The following DCTN6 variants were observed in gnomAD, a reference collection of about 807,000 sequenced individuals.
DCTN6 encodes the protein dynactin subunit 6.
In DCTN6, 15 loss-of-function variants were observed where a neutral mutation model predicts 25.8. The observed-to-expected ratio is 0.58, with a 90% CI of 0.39 to 0.89. DCTN6 has a LOEUF of 0.89. Ranked by LOEUF, DCTN6 falls within the 40% of genes least tolerant of loss-of-function variation. The probability of loss-of-function intolerance (pLI) is 0.00; values close to 1 mark genes in which losing one functional copy is unlikely to be tolerated. For missense variants in DCTN6, 198 were observed against 237.6 expected (o/e 0.83, Z 1.09); for synonymous variants, 64 against 78.3 (o/e 0.82, Z 0.96).
chr8:30,164,075 T>C (rs761266283), intron 1 of DCTN6, 36 bp from the exon 2 acceptor site: 7 of 1,564,794 alleles, frequency 4.5e-6, no homozygotes, highest in South Asian at 2.2e-5. Context: ...ATGTTTAATC[T>C]TACCCCTGGT....
intron 1 of DCTN6, among the ~76,000 whole-genome samples, chr8:30,158,584 T>A (rs2117572183): frequency 6.6e-6 from 1 of 152,240 alleles, no homozygotes; most frequent in Non-Finnish European, 1.5e-5. Flanking sequence ...GAATTTCAGT[T>A]TTTTCTTCTA....
At chr8:30,157,839 T>A (rs1803546137) in intron 1 of DCTN6, among the ~76,000 whole-genome samples, 1 of 152,178 alleles carries the variant, frequency 6.6e-6, no homozygotes, top group East Asian at 1.9e-4. Flanking sequence ...AAATGTAGAT[T>A]TTTCTTCCAT....
intron 2 of DCTN6, 114 bp from the exon 3 acceptor site, chr8:30,174,971 C>A: frequency 2.2e-6 from 2 of 917,312 alleles, no homozygotes; most frequent in East Asian, 2.7e-5. Context: ...TGGTGCCTGG[C>A]ACATACTTAG....
At chr8:30,180,071 T>C (rs1207623534) in intron 5 of DCTN6, among the ~76,000 whole-genome samples, 1 of 152,270 alleles carries the variant, frequency 6.6e-6, no homozygotes, top group East Asian at 1.9e-4. Context: ...ATCTACTTAA[T>C]GACTTTTATT....
chr8:30,156,426 A>G lies in DCTN6; in HGVS notation c.23+20A>G, dbSNP rs199955013. ...AAAGAGGTGGGTTTGCTGCTTGAGA[A>G]AAGCCTTTTCTCAGCTTTCCGTAGG... is the stretch of plus-strand genomic sequence containing the variant. On this transcript the variant is annotated intron_variant, in intron 1 of 6. Transcript: ENST00000221114. 3.8e-6 allele frequency: 6 copies of G among 1,598,014 alleles called. No homozygotes were observed. The East Asian group carries it at 1.1e-4, about 30-fold the overall frequency.
At chr8:30,165,021 G>T (rs1030817436) in intron 2 of DCTN6, among the ~76,000 whole-genome samples, 2 of 152,146 alleles carry the variant, frequency 1.3e-5, no homozygotes, top group Non-Finnish European at 2.9e-5. Context: ...ATGAGATCAG[G>T]GTTCTATTAC....
chr8:30,166,090 T>C (rs1257368285), intron 2 of DCTN6, among the ~76,000 whole-genome samples: 1 of 152,168 alleles, frequency 6.6e-6, no homozygotes, highest in Non-Finnish European at 1.5e-5. Context: ...TTACTCATCA[T>C]TTTACTGCAT....
chr8:30,178,425 T>C (rs942084777), intron 4 of DCTN6, among the ~76,000 whole-genome samples: 3 of 148,244 alleles, frequency 2.0e-5, no homozygotes, highest in African/African-American at 7.5e-5. Flanking sequence ...ATCGCGCCAT[T>C]GCACCCCAGC....
chr8:30,177,181 A>C lies in DCTN6; in HGVS notation c.250A>C (p.Ile84Leu). 6.2e-7 allele frequency: 1 copy of C among 1,613,836 alleles called. No individual in the cohort carries two copies. The highest frequency in any genetic ancestry group is 1.1e-5 in the South Asian group (1 of 91,080). Residue 84 changes from isoleucine to leucine, a missense_variant, in exon 4 of 7, where the codon ATT becomes CTT. Ile to Leu is a conservative substitution (Grantham distance 5). Transcript: ENST00000221114. ...AGATCCAGAACCAAAACCTATGATCATTGGCACCAATAATGTGTTTGAAGT... is the reference window on the plus strand; with the variant it reads ...AGATCCAGAACCAAAACCTATGATCCTTGGCACCAATAATGTGTTTGAAGT... ...TEDPEPKPMIIGTNNVFEVGC... is the reference protein window; with the variant it reads ...TEDPEPKPMILGTNNVFEVGC...
intron 1 of DCTN6, among the ~76,000 whole-genome samples, chr8:30,162,348 C>G (rs1164653176): frequency 6.6e-6 from 1 of 152,202 alleles, no homozygotes; most frequent in Non-Finnish European, 1.5e-5. Context: ...ACCTTGGCCT[C>G]CCAAAGTCCT....
chr8:30,174,272 CAG>C (rs1383512052), intron 2 of DCTN6, among the ~76,000 whole-genome samples: 3 of 152,064 alleles, frequency 2.0e-5, no homozygotes, highest in Non-Finnish European at 4.4e-5. Flanking sequence ...GGGACACTGA[CAG>C]AGGAACAAAG....
chr8:30,174,845 C>T (rs1186660794), intron 2 of DCTN6, among the ~76,000 whole-genome samples: 1 of 152,222 alleles, frequency 6.6e-6, no homozygotes, highest in Non-Finnish European at 1.5e-5. Context: ...CGAGTGGAGG[C>T]TGAGCCAGAG....
chr8:30,165,970 T>C (rs372447499), intron 2 of DCTN6: 1 of 152,210 alleles, frequency 6.6e-6, no homozygotes, highest in African/African-American at 2.4e-5. Context: ...CCTAAACCAC[T>C]TGCGAAGTGT....
At chr8:30,173,368 T>C (rs1803787905) in intron 2 of DCTN6, among the ~76,000 whole-genome samples, 1 of 152,204 alleles carries the variant, frequency 6.6e-6, no homozygotes, top group Non-Finnish European at 1.5e-5. Flanking sequence ...AAAAATAACA[T>C]GTATTTATTT....
At chr8:30,171,268 G>C (rs1029413911) in intron 2 of DCTN6, among the ~76,000 whole-genome samples, 2 of 151,482 alleles carry the variant, frequency 1.3e-5, no homozygotes, top group African/African-American at 4.9e-5. Flanking sequence ...TTTCCCCTCA[G>C]AGACAGTGTC....
rs147199885 is a variant in DCTN6, at chr8:30,182,091, T to G, written c.475-984T>G. ...TTTACTTTCTACATAACAGCAAAAA[T>G]GACTGAAGAGTGGGAAATGAAGCTT... is the stretch of plus-strand genomic sequence containing the variant. On this transcript the variant is annotated intron_variant, in intron 6 of 6. Transcript: ENST00000221114. Among the ~76,000 whole-genome samples the G allele has an allele frequency of 6.4e-4, 97 of 152,200 alleles. 2 individuals are homozygous for G. Among genetic ancestry groups the G allele is most frequent in the African/African-American group, 2.3e-3 (94 of 41,520 alleles).
At chr8:30,180,432 A>G in intron 5 of DCTN6, 56 bp from the exon 6 acceptor site, 1 of 1,562,462 alleles carries the variant, frequency 6.4e-7, no homozygotes, top group African/African-American at 1.4e-5. Flanking sequence ...TAAGAAAAAA[A>G]GTGTTGGAAT....
At chr8:30,173,731 T>TAAAAAAA (rs371782984) in intron 2 of DCTN6, among the ~76,000 whole-genome samples, 37 of 96,046 alleles carry the variant, frequency 3.9e-4, no homozygotes, top group African/African-American at 1.1e-3. Flanking sequence ...CCCTGTCTCT[T>TAAAAAAA]AAAAAAAAAA....
intron 1 of DCTN6, 123 bp from the exon 2 acceptor site, chr8:30,163,988 C>T: frequency 2.5e-6 from 2 of 813,404 alleles, no homozygotes; most frequent in Non-Finnish European, 2.0e-6. Flanking sequence ...AGGCGTGAGC[C>T]ACTGCGCCTG....
Sources: gnomAD v4.1 joint callset for allele counts (sites outside exome capture counted in the v4.1 genomes callset) on GRCh38, gnomAD v4.1.1 for gene constraint, MANE v1.5 for transcripts, NCBI Gene and HGNC (gene_info 2026-07-23, HGNC 2026-07-21) for gene names.